CATSPERE: variants seen among roughly 807,000 people sequenced by gnomAD.
The protein encoded by CATSPERE is cation channel sperm-associated auxiliary subunit epsilon.
A neutral mutation model predicts 114.1 loss-of-function variants in CATSPERE; 93 were observed. The ratio of observed to expected loss-of-function variants is 0.81; its 90% CI spans 0.69 to 0.97. The LOEUF (loss-of-function observed/expected upper bound fraction) is 0.97. Ranked by LOEUF, CATSPERE falls within the 50% of genes least tolerant of loss-of-function variation. The pLI, the probability that CATSPERE is intolerant of heterozygous loss-of-function variation, is 0.00. For synonymous variants in CATSPERE, 341 were observed against 384.1 expected, an observed-to-expected ratio of 0.89 and a Z score of 1.31; for missense variants, 1,058 against 1,131.6, an observed-to-expected ratio of 0.93 and a Z score of 0.93.
At chr1:244,499,210 T>C (rs1232151587) in intron 7 of CATSPERE, 131 bp downstream of exon 7, 2 of 555,894 alleles carry the variant, frequency 3.6e-6, no homozygotes, top group Non-Finnish European at 6.4e-6. Context: ...ATTTGCATGA[T>C]CCCTTTTAGT....
rs573283298 is a variant in CATSPERE at position 244,491,060 on chromosome 1, C to T, written c.351+589C>T. On this transcript the variant is annotated intron_variant, in intron 6 of 21. Coordinates refer to ENST00000366534, the MANE Select transcript of CATSPERE (RefSeq NM_001130957.2). Reference sequence around the variant, plus strand: ...ACGAGACAGAAAGTTAACAAGGATACCCAGGAATTGAACTCAGCTCTGCAC... The same window carrying T: ...ACGAGACAGAAAGTTAACAAGGATATCCAGGAATTGAACTCAGCTCTGCAC... 3.4e-4 allele frequency among the ~76,000 whole-genome samples: 52 copies of T among 152,070 alleles called. 2 individuals carry two copies. The South Asian group carries it at 8.7e-3, about 26-fold the overall frequency.
At chr1:244,565,517 T>C (rs1663310943) in intron 10 of CATSPERE, among the ~76,000 whole-genome samples, 1 of 152,208 alleles carries the variant, frequency 6.6e-6, no homozygotes, top group South Asian at 2.1e-4. Flanking sequence ...TTCTTCTAGA[T>C]TTTCTAGTTT....
At chr1:244,621,502 A>C (rs76347595) in intron 20 of CATSPERE, among the ~76,000 whole-genome samples, 1,568 of 151,304 alleles carry the variant, frequency 0.01, 33 homozygotes, top group African/African-American at 0.036. Context: ...AAATGTATAT[A>C]CCCTCTGGAG....
chr1:244,581,046 AT>A lies in CATSPERE; in HGVS notation c.1951-749del, dbSNP rs1164991390. Among the ~76,000 whole-genome samples the A allele has an allele frequency of 2.0e-5, 3 of 152,068 alleles. No individual in the cohort carries two copies. The East Asian group carries it at 5.8e-4, about 29-fold the overall frequency. ...AATAATAATTTCCTCACTTTTCTTA[AT>A]AGTTTCACAACCTACATATGCATCA... On this transcript the variant is annotated intron_variant, in intron 11 of 21. Transcript: ENST00000366534.
rs538665743 is a variant in CATSPERE at position 244,573,134 on chromosome 1, G to A, written c.1950+362G>A. Among the ~76,000 whole-genome samples, 12 of 152,058 alleles carry A rather than the reference G, an allele frequency of 7.9e-5. 1 individual carries two copies. The South Asian group carries it at 1.7e-3, about 21-fold the overall frequency. On this transcript the variant is annotated intron_variant, in intron 11 of 21. Coordinates refer to ENST00000366534, the MANE Select transcript of CATSPERE (RefSeq NM_001130957.2). The surrounding 1 kb of genome is among the most constrained non-coding windows in gnomAD (Gnocchi z 4.0). ...TTAGAACAACAACCAATTCTGGGCC[G>A]GGCATGGTGGCTCACACCTGTAATC... is the stretch of plus-strand genomic sequence containing the variant.
intron 17 of CATSPERE, among the ~76,000 whole-genome samples, chr1:244,596,355 C>T (rs572098277): frequency 2.6e-5 from 4 of 152,284 alleles, no homozygotes; most frequent in East Asian, 3.9e-4. Flanking sequence ...TCTGCCTATG[C>T]GATAGCCCTG....
intron 8 of CATSPERE, among the ~76,000 whole-genome samples, chr1:244,542,600 CT>C (rs1659030770): frequency 6.6e-6 from 1 of 152,026 alleles, no homozygotes; most frequent in South Asian, 2.1e-4. Context: ...TTTTCTGTTT[CT>C]GAGTTATTTC....
At chr1:244,511,759 A>G (rs1675804949) in intron 7 of CATSPERE, among the ~76,000 whole-genome samples, 1 of 152,148 alleles carries the variant, frequency 6.6e-6, no homozygotes, top group Non-Finnish European at 1.5e-5. Flanking sequence ...GAATTCCCCC[A>G]GGTTTTGCTT....
chr1:244,511,078 G>A (rs573628344), intron 7 of CATSPERE, among the ~76,000 whole-genome samples: 4 of 151,942 alleles, frequency 2.6e-5, no homozygotes, highest in Non-Finnish European at 5.9e-5. Context: ...CCTGACCTCA[G>A]GTGATCCACC....
At chr1:244,491,894 G>T (rs1301339857) in intron 6 of CATSPERE, among the ~76,000 whole-genome samples, 1 of 152,140 alleles carries the variant, frequency 6.6e-6, no homozygotes, top group Non-Finnish European at 1.5e-5. Context: ...ACTAAACCAG[G>T]AAGAAGTTGA....
intron 19 of CATSPERE, among the ~76,000 whole-genome samples, chr1:244,613,906 T>C (rs1462665241): frequency 6.6e-6 from 1 of 152,138 alleles, no homozygotes; most frequent in Non-Finnish European, 1.5e-5. Flanking sequence ...CATAGATTAG[T>C]GGATTAATGG....
chr1:244,462,143 C>T (rs999947463), intron 1 of CATSPERE, among the ~76,000 whole-genome samples: 2 of 152,172 alleles, frequency 1.3e-5, no homozygotes, highest in Admixed American at 6.5e-5. Context: ...CCTGTGAATT[C>T]TTACATTCCT....
At chr1:244,515,394 G>A (rs1456924197) in intron 7 of CATSPERE, 5 of 826,858 alleles carry the variant, frequency 6.0e-6, no homozygotes, top group Non-Finnish European at 7.3e-6. Flanking sequence ...CAAGCCTCAA[G>A]GCAGCAGTGT....
chr1:244,451,621 C>T (rs548684956), upstream of CATSPERE: 4 of 1,600,840 alleles, frequency 2.5e-6, no homozygotes, highest in African/African-American at 2.7e-5. This position sits in a 1 kb window ranked among gnomAD's most constrained non-coding sequence, Gnocchi z 6.6. Flanking sequence ...CCATGAGAGG[C>T]CCCGTCGCCT....
chr1:244,528,939 T>C (rs1053056226), intron 8 of CATSPERE, among the ~76,000 whole-genome samples: 13 of 152,274 alleles, frequency 8.5e-5, no homozygotes, highest in Admixed American at 5.9e-4. Flanking sequence ...GTTTGTCTTT[T>C]TGTGCCTGGC....
intron 2 of CATSPERE, among the ~76,000 whole-genome samples, chr1:244,469,704 G>A (rs1668163591): frequency 6.6e-6 from 1 of 152,164 alleles, no homozygotes; most frequent in Admixed American, 6.5e-5. Flanking sequence ...ATAGGAAATT[G>A]TAAATGGAAA....
intron 6 of CATSPERE, among the ~76,000 whole-genome samples, chr1:244,490,752 T>G (rs1671954439): frequency 6.6e-6 from 1 of 152,178 alleles, no homozygotes; most frequent in Non-Finnish European, 1.5e-5. Context: ...TCCAGCTGTC[T>G]TTTATTAATA....
At chr1:244,535,530 T>G (rs1680262297) in intron 8 of CATSPERE, among the ~76,000 whole-genome samples, 1 of 152,192 alleles carries the variant, frequency 6.6e-6, no homozygotes, top group Admixed American at 6.5e-5. Context: ...TCTTTCCCTG[T>G]GGCCACCACC....
At chr1:244,472,089 G>C (rs909947696) in intron 2 of CATSPERE, among the ~76,000 whole-genome samples, 1 of 152,138 alleles carries the variant, frequency 6.6e-6, no homozygotes, top group Non-Finnish European at 1.5e-5. Context: ...CTCCTGAGTA[G>C]CTGGGACTGC....
Sources: allele counts gnomAD v4.1 joint callset (sites outside exome capture counted in the v4.1 genomes callset), GRCh38; gene constraint gnomAD v4.1.1; non-coding constraint Gnocchi (gnomAD v3.1); transcripts MANE v1.5; gene names NCBI Gene and HGNC (gene_info 2026-07-23, HGNC 2026-07-21).